Variants in PGPEP1L observed in about 807,000 individuals in gnomAD.
PGPEP1L encodes pyroglutamyl-peptidase 1-like protein.
Under a neutral mutation model 6.0 loss-of-function variants are expected in PGPEP1L, and 7 were observed. The ratio of observed to expected loss-of-function variants is 1.17; its 90% confidence interval spans 0.66 to 2.19. The LOEUF (loss-of-function observed/expected upper bound fraction) is 2.19, where lower values mean the gene tolerates loss of function less well. PGPEP1L is among the 30% of genes most tolerant of loss of function. The pLI is 0.00. For synonymous variants in PGPEP1L, 103 were observed against 83.9 expected, an observed-to-expected ratio of 1.23 and a Z score of -1.24; for missense variants, 209 against 192.5, an observed-to-expected ratio of 1.09 and a Z score of -0.51.
chr15:98,995,326 T>C (rs1054266193), intron 2 of PGPEP1L, among the ~76,000 whole-genome samples: 5 of 152,226 alleles, frequency 3.3e-5, no homozygotes, highest in African/African-American at 7.2e-5. Flanking sequence ...TATATGCATA[T>C]GCATGTATAT....
chr15:98,976,012 G>C (rs984158880), intron 2 of PGPEP1L, among the ~76,000 whole-genome samples: 7 of 152,096 alleles, frequency 4.6e-5, no homozygotes, highest in African/African-American at 1.7e-4. Context: ...GAAGTATCTA[G>C]AATAGCCAAA....
chr15:98,968,393 T>TA lies in PGPEP1L; in HGVS notation c.*84_*85insT. 1.4e-6 allele frequency: 2 copies of TA among 1,385,354 alleles called. No homozygotes were observed. Among genetic ancestry groups the TA allele is most frequent in the East Asian group, 5.0e-5 (2 of 40,100 alleles). The allele number at this position is 1,385,354 out of a possible 1,614,324, so 85.8% of individuals were successfully genotyped here. A position where few individuals can be genotyped will look rare whatever the true frequency, so the allele number is the denominator to read the frequency against. On this transcript the variant is annotated 3_prime_UTR_variant, in exon 5 of 5. Coordinates refer to ENST00000535714, the MANE Select transcript of PGPEP1L (RefSeq NM_001167902.2). ...TCCACCCTCTTTGTCTTACAAGCAA[T>TA]TTTTGAAAAAGTTTCTCAATGCACA...
At chr15:98,982,700 C>CTTTTGTTTTTTTTTTTTT (rs2017682867) in intron 2 of PGPEP1L, among the ~76,000 whole-genome samples, 1 of 52,460 alleles carries the variant, frequency 1.9e-5, no homozygotes, top group Non-Finnish European at 4.2e-5. Flanking sequence ...TTATCTGAGG[C>CTTTTGTTTTTTTTTTTTT]TTTTTTTTTT....
At chr15:98,984,317 A>G (rs2151760289) in intron 2 of PGPEP1L, among the ~76,000 whole-genome samples, 1 of 152,184 alleles carries the variant, frequency 6.6e-6, no homozygotes, top group South Asian at 2.1e-4. Flanking sequence ...GCCTGGAGTA[A>G]GTACTCTTTA....
intron 2 of PGPEP1L, among the ~76,000 whole-genome samples, chr15:99,002,506 AC>A (rs1164981027): frequency 3.9e-5 from 6 of 152,192 alleles, no homozygotes; most frequent in African/African-American, 1.4e-4. Flanking sequence ...ACGCACACAT[AC>A]TGCAAGCACA....
chr15:98,972,714 AC>A (rs2017515470), intron 2 of PGPEP1L, among the ~76,000 whole-genome samples: 1 of 151,898 alleles, frequency 6.6e-6, no homozygotes, highest in Admixed American at 6.6e-5. Context: ...TACTAAAAAT[AC>A]AAAAAATTAG....
intron 2 of PGPEP1L, among the ~76,000 whole-genome samples, chr15:98,979,047 A>ATTT (rs747432974): frequency 6.1e-5 from 8 of 130,122 alleles, no homozygotes; most frequent in African/African-American, 2.5e-4. Context: ...ATATATATAT[A>ATTT]TATTTTTATT....
Position 98,969,422 on chromosome 15 carries a change from T to G in PGPEP1L, c.209+3A>C, listed in dbSNP as rs767778483. The G allele has an allele frequency of 1.2e-6, 2 of 1,613,820 alleles. No homozygotes were observed. On this transcript the variant is annotated splice_donor_region_variant and intron_variant, in intron 4 of 4. Transcript: ENST00000535714. ...TCAGAGTCCTGACACCCACAGAGCA[T>G]ACCTGCCTGCATCTCGGGAAAAGAT...
chr15:99,000,009 G>A (rs1383846285), intron 2 of PGPEP1L, among the ~76,000 whole-genome samples: 1 of 152,250 alleles, frequency 6.6e-6, no homozygotes, highest in Non-Finnish European at 1.5e-5. Context: ...GGCAGGCCAA[G>A]GCCAGCGCCA....
At chr15:98,994,899 T>C (rs1345959812) in intron 2 of PGPEP1L, among the ~76,000 whole-genome samples, 1 of 152,242 alleles carries the variant, frequency 6.6e-6, no homozygotes, top group Non-Finnish European at 1.5e-5. Flanking sequence ...ATTCTGGCTT[T>C]TACTGTTGCC....
At chr15:98,995,911 G>A (rs999053990) in intron 2 of PGPEP1L, among the ~76,000 whole-genome samples, 2 of 152,102 alleles carry the variant, frequency 1.3e-5, no homozygotes, top group Non-Finnish European at 2.9e-5. Context: ...AATCATGTAA[G>A]TAGAATCTTA....
intron 2 of PGPEP1L, among the ~76,000 whole-genome samples, chr15:99,004,162 G>C (rs2018013789): frequency 6.8e-6 from 1 of 148,070 alleles, no homozygotes; most frequent in Non-Finnish European, 1.5e-5. Flanking sequence ...CTGCATTTTG[G>C]GAGGCCAAGG....
chr15:98,983,376 CAA>C (rs1024394012), intron 2 of PGPEP1L, among the ~76,000 whole-genome samples: 12 of 152,010 alleles, frequency 7.9e-5, no homozygotes, highest in Non-Finnish European at 1.5e-4. Context: ...ATCTTTGGGG[CAA>C]AGAGAAATTA....
rs373686145 is a variant in PGPEP1L at position 98,996,707 on chromosome 15, G to A, written c.-142+8722C>T. 3.9e-5 allele frequency among the ~76,000 whole-genome samples: 6 copies of A among 152,156 alleles called. No homozygotes were observed. The East Asian group carries it at 9.7e-4, about 25-fold the overall frequency. ...TATCCATGTGTGCACGCGTGGGTAC[G>A]TGTTTGGTCCTCAGAGCTGCCCTTT... On this transcript the variant is annotated intron_variant, in intron 2 of 4. Coordinates refer to ENST00000535714, the MANE Select transcript of PGPEP1L (RefSeq NM_001167902.2).
chr15:98,991,463 T>C (rs141965491), intron 2 of PGPEP1L, among the ~76,000 whole-genome samples: 12 of 152,276 alleles, frequency 7.9e-5, no homozygotes, highest in African/African-American at 2.9e-4. Context: ...GAGGCACTAA[T>C]TGATAGCCTA....
At chr15:98,974,445 G>C (rs528727251) in intron 2 of PGPEP1L, among the ~76,000 whole-genome samples, 1 of 151,906 alleles carries the variant, frequency 6.6e-6, no homozygotes, top group East Asian at 1.9e-4. Context: ...ATTTAACCAC[G>C]AAGAAATAAA....
chr15:98,999,194 T>C (rs1224857612), intron 2 of PGPEP1L, among the ~76,000 whole-genome samples: 1 of 152,152 alleles, frequency 6.6e-6, no homozygotes, highest in Non-Finnish European at 1.5e-5. Flanking sequence ...GCAAATCATG[T>C]ATTTCACCAA....
chr15:98,981,483 C>T (rs1308372795), intron 2 of PGPEP1L, among the ~76,000 whole-genome samples: 1 of 140,798 alleles, frequency 7.1e-6, no homozygotes, highest in Middle Eastern at 3.2e-3. Flanking sequence ...GAGCAAGACT[C>T]CGTCTCAAAA....
rs573799184 is a variant in PGPEP1L, at chr15:99,006,435, G to A, written c.-369-779C>T. Among the ~76,000 whole-genome samples the A allele has an allele frequency of 3.9e-5, 6 of 152,352 alleles. 1 individual carries two copies. The highest frequency in any genetic ancestry group is 2.6e-4 in the Admixed American group (4 of 15,306). The stretch of plus-strand genomic sequence containing the variant: ...CTGCAGACAGTCCTCTTTTTAATGT[G>A]TCAGAATAACTGAAAAAGGCTAACA... On this transcript the variant is annotated intron_variant, in intron 1 of 4. Transcript: ENST00000535714.
Sources: gnomAD v4.1 joint callset for allele counts (sites outside exome capture counted in the v4.1 genomes callset) on GRCh38, gnomAD v4.1.1 for gene constraint, MANE v1.5 for transcripts, NCBI Gene and HGNC (gene_info 2026-07-23, HGNC 2026-07-21) for gene names.